SRGAP2C: variants seen among roughly 807,000 people sequenced by gnomAD.
The protein encoded by SRGAP2C is SLIT-ROBO Rho GTPase-activating protein 2C.
A neutral mutation model predicts 25.1 loss-of-function variants in SRGAP2C; 15 were observed. The ratio of observed to expected loss-of-function variants is 0.60; its 90% CI spans 0.40 to 0.92. SRGAP2C has a LOEUF of 0.92. Among genes scored for constraint, SRGAP2C ranks in the 40% least tolerant of loss-of-function variants. The pLI is 0.00. For synonymous variants in SRGAP2C, 44 were observed against 96.6 expected (o/e 0.46, Z 3.19); for missense variants, 144 against 264.4 (o/e 0.54, Z 3.16).
At chr1:121,216,376 G>C (rs150545609) in intron 2 of SRGAP2C, among the ~76,000 whole-genome samples, 2,829 of 152,222 alleles carry the variant, frequency 0.019, 52 homozygotes, top group Non-Finnish European at 0.024. Context: ...TGTGCCCCAA[G>C]AGAGCTTTCC....
chr1:121,309,385 C>A (rs1243899358), intron 3 of SRGAP2C, among the ~76,000 whole-genome samples: 148 of 142,138 alleles, frequency 1.0e-3, no homozygotes, highest in Non-Finnish European at 1.8e-3. Context: ...CTGATAATTC[C>A]ATATAATATA....
In SRGAP2C at chr1:121,193,667, C is replaced by CT. The variant is rs60707143; in HGVS notation, c.67+6175dup. Among the ~76,000 whole-genome samples the CT allele has an allele frequency of 5.4e-3, 106 of 19,724 alleles. 4 individuals carry two copies. Among genetic ancestry groups the CT allele is most frequent in the African/African-American group, 0.025 (84 of 3,310 alleles). 12.9% of individuals were successfully genotyped at this position (19,724 alleles called of 152,430 possible). The stretch of plus-strand genomic sequence containing the variant: ...GTGTAACATAGGGGTGTTCTTTTTT[C>CT]TTTTTTTTTTTTTTTTTTTTTCAGA... On this transcript the variant is annotated intron_variant, in intron 2 of 9. Transcript: ENST00000367123.
At chr1:121,350,785 A>G (rs1553345535) in intron 4 of SRGAP2C, among the ~76,000 whole-genome samples, 1 of 151,696 alleles carries the variant, frequency 6.6e-6, no homozygotes, top group African/African-American at 2.4e-5. Context: ...GTTTGAGAGG[A>G]CACTGTCAAG....
At chr1:121,210,035 AG>A (rs1266493501) in intron 2 of SRGAP2C, among the ~76,000 whole-genome samples, 1 of 151,226 alleles carries the variant, frequency 6.6e-6, no homozygotes, top group East Asian at 2.0e-4. Context: ...GGTTCATAAC[AG>A]GTGATTAGAC....
At chr1:121,377,368 A>G (rs1308034975) in intron 7 of SRGAP2C, among the ~76,000 whole-genome samples, 4 of 66,206 alleles carry the variant, frequency 6.0e-5, no homozygotes, top group Non-Finnish European at 1.1e-4. Context: ...TCCCAGGTTC[A>G]CGCCATTCTC....
At position 121,294,591 on chromosome 1, in the gene SRGAP2C, T is replaced by TTTG. The variant is rs1491201929; in HGVS notation, c.260+9598_260+9599insGTT. On this transcript the variant is annotated intron_variant, in intron 3 of 9. Transcript: ENST00000367123. Reference sequence around the variant, plus strand: ...ACTCTAATTGATAATGCATTGGCTGTTTTTTTTTTTTTTTAAATAGACTTC... The same window carrying TTTG: ...ACTCTAATTGATAATGCATTGGCTGTTTGTTTTTTTTTTTTTTAAATAGACTTC... 3.7e-4 allele frequency among the ~76,000 whole-genome samples: 22 copies of TTTG among 58,776 alleles called. 1 individual carries two copies. The highest frequency in any genetic ancestry group is 5.8e-4 in the Non-Finnish European group (15 of 25,992). The allele number at this position is 58,776 out of a possible 152,430, so 38.6% of individuals were successfully genotyped here. A position where few individuals can be genotyped will look rare whatever the true frequency, so the allele number is the denominator to read the frequency against.
At chr1:121,248,446 T>C (rs1220327114) in intron 2 of SRGAP2C, among the ~76,000 whole-genome samples, 2 of 99,562 alleles carry the variant, frequency 2.0e-5, no homozygotes, top group Non-Finnish European at 4.1e-5. Context: ...CAAAACTTAC[T>C]TTTTTTTTTT....
At chr1:121,289,368 C>T (rs1570763890) in intron 3 of SRGAP2C, among the ~76,000 whole-genome samples, 1 of 146,992 alleles carries the variant, frequency 6.8e-6, no homozygotes, top group Admixed American at 6.8e-5. Context: ...CCCCATTGCC[C>T]GGGGCCAGCA....
chr1:121,276,262 G>A (rs1657108225), intron 2 of SRGAP2C, among the ~76,000 whole-genome samples: 1 of 150,050 alleles, frequency 6.7e-6, no homozygotes, highest in Non-Finnish European at 1.5e-5. Flanking sequence ...GACAGCATAG[G>A]ACTACATCCA....
At chr1:121,379,294 G>C (rs1429049158) in intron 7 of SRGAP2C, among the ~76,000 whole-genome samples, 1 of 151,752 alleles carries the variant, frequency 6.6e-6, no homozygotes, top group Non-Finnish European at 1.5e-5. Flanking sequence ...GGGTTAATGA[G>C]CTATCAACTC....
intron 2 of SRGAP2C, among the ~76,000 whole-genome samples, chr1:121,264,553 G>C (rs1486090112): frequency 1.6e-5 from 2 of 123,900 alleles, no homozygotes; most frequent in Non-Finnish European, 3.4e-5. Flanking sequence ...GAATTTCTTC[G>C]ATTATTTCGG....
intron 3 of SRGAP2C, among the ~76,000 whole-genome samples, chr1:121,322,243 T>C (rs1171092984): frequency 6.9e-6 from 1 of 144,338 alleles, no homozygotes; most frequent in Non-Finnish European, 1.5e-5. Context: ...AGGACATGGG[T>C]ATCTTGCCGA....
In SRGAP2C at chr1:121,316,843, A is replaced by G. The variant is rs1266436576; in HGVS notation, c.261-7635A>G. ...CATTTCTAGGCCCTTAGTTCTATGG[A>G]TTATATTGGGGTGGCATTGTAGCAT... On this transcript the variant is annotated intron_variant, in intron 3 of 9. Coordinates refer to ENST00000367123, the MANE Select transcript of SRGAP2C (RefSeq NM_001329984.2). Among the ~76,000 whole-genome samples the G allele has an allele frequency of 4.6e-4, 64 of 139,144 alleles. 1 individual carries two copies. Among genetic ancestry groups the G allele is most frequent in the Admixed American group, 4.4e-3 (60 of 13,548 alleles). 91.3% of individuals were successfully genotyped at this position (139,144 alleles called of 152,430 possible).
At chr1:121,339,303 G>A (rs1255485481) in intron 4 of SRGAP2C, among the ~76,000 whole-genome samples, 6 of 144,584 alleles carry the variant, frequency 4.1e-5, no homozygotes, top group African/African-American at 1.0e-4. Context: ...TCAGGCTGGA[G>A]TACAGTGGCG....
intron 4 of SRGAP2C, among the ~76,000 whole-genome samples, chr1:121,353,046 A>T (rs2790287): frequency 0.64 from 93,620 of 146,022 alleles, 30,503 homozygotes; most frequent in East Asian, 0.79. Flanking sequence ...AACGAGATCA[A>T]GCCACTACAC....
intron 4 of SRGAP2C, among the ~76,000 whole-genome samples, chr1:121,355,362 G>A (rs1459161424): frequency 6.4e-5 from 5 of 78,488 alleles, no homozygotes; most frequent in Non-Finnish European, 1.1e-4. Context: ...CTGTCACCCA[G>A]GCTGGAGTGC....
chr1:121,225,784 A>C (rs1655651572), intron 2 of SRGAP2C, among the ~76,000 whole-genome samples: 2 of 147,088 alleles, frequency 1.4e-5, no homozygotes, highest in African/African-American at 5.1e-5. Context: ...AGCTCACTGC[A>C]ACCTCTGCCT....
chr1:121,339,418 A>G (rs1658598586), intron 4 of SRGAP2C, among the ~76,000 whole-genome samples: 2 of 150,182 alleles, frequency 1.3e-5, no homozygotes, highest in South Asian at 4.3e-4. Flanking sequence ...CATCCAGCTA[A>G]GTTTTTTGTG....
At chr1:121,195,296 G>A (rs1654803155) in intron 2 of SRGAP2C, among the ~76,000 whole-genome samples, 1 of 151,870 alleles carries the variant, frequency 6.6e-6, no homozygotes, top group Non-Finnish European at 1.5e-5. Flanking sequence ...TGTAATCCCA[G>A]CTACTCAGGA....
Sources: gnomAD v4.1 joint callset for allele counts (sites outside exome capture counted in the v4.1 genomes callset) on GRCh38, gnomAD v4.1.1 for gene constraint, MANE v1.5 for transcripts, NCBI Gene and HGNC (gene_info 2026-07-23, HGNC 2026-07-21) for gene names.